The following PARM1 variants were observed in gnomAD, a reference collection of about 807,000 sequenced individuals.
PARM1 encodes the protein prostate androgen-regulated mucin-like protein 1.
Under a neutral mutation model 24.6 loss-of-function variants are expected in PARM1, and 14 were observed. That is an observed-to-expected ratio of 0.57 (90% CI 0.38 to 0.89). The LOEUF is 0.89. Ranked by LOEUF, PARM1 falls within the 40% of genes least tolerant of loss-of-function variation. The pLI is 0.00. For synonymous variants in PARM1, 179 were observed against 156.6 expected (o/e 1.14, Z -1.07); for missense variants, 362 against 380.4 (o/e 0.95, Z 0.40).
chr4:75,027,439 A>T (rs952930606), intron 2 of PARM1, among the ~76,000 whole-genome samples: 3 of 152,130 alleles, frequency 2.0e-5, no homozygotes, highest in African/African-American at 7.2e-5. Flanking sequence ...CAAGCAGACA[A>T]GGCCAGAAGA....
intron 1 of PARM1, among the ~76,000 whole-genome samples, chr4:74,972,963 C>T (rs1413558690): frequency 6.6e-6 from 1 of 152,048 alleles, no homozygotes; most frequent in Admixed American, 6.6e-5. Context: ...TGGCTCTGCC[C>T]CTTATCTACC....
intron 2 of PARM1, among the ~76,000 whole-genome samples, chr4:75,019,470 C>A: frequency 6.6e-6 from 1 of 152,260 alleles, no homozygotes; most frequent in South Asian, 2.1e-4. Flanking sequence ...CACACACAAC[C>A]GTGAAAATTG....
intron 1 of PARM1, among the ~76,000 whole-genome samples, 181 bp downstream of exon 1, chr4:74,933,551 T>C (rs1721113171): frequency 6.6e-6 from 1 of 152,132 alleles, no homozygotes; most frequent in Admixed American, 6.5e-5. Flanking sequence ...CGAACCGTAC[T>C]GAGGGAGGGG....
intron 1 of PARM1, among the ~76,000 whole-genome samples, chr4:74,987,819 C>A (rs987307477): frequency 6.6e-5 from 10 of 152,206 alleles, no homozygotes; most frequent in African/African-American, 2.4e-4. Context: ...CCTACTTCCT[C>A]TGGGGATACT....
chr4:74,936,292 A>G (rs776733737), intron 1 of PARM1, among the ~76,000 whole-genome samples: 3 of 152,190 alleles, frequency 2.0e-5, no homozygotes, highest in Non-Finnish European at 4.4e-5. Context: ...AGATTAAAAT[A>G]CAAACCAGAG....
chr4:75,035,538 A>T (rs970357265), intron 3 of PARM1, among the ~76,000 whole-genome samples: 6 of 151,972 alleles, frequency 3.9e-5, no homozygotes, highest in Admixed American at 3.3e-4. Context: ...CATGGATATG[A>T]TTCCTCATCT....
At chr4:75,011,473 G>A (rs1722868770) in intron 1 of PARM1, among the ~76,000 whole-genome samples, 1 of 151,956 alleles carries the variant, frequency 6.6e-6, no homozygotes. Context: ...TACTAGTCAG[G>A]GAATGACAAG....
At chr4:74,945,861 G>C (rs1721402071) in intron 1 of PARM1, among the ~76,000 whole-genome samples, 1 of 152,146 alleles carries the variant, frequency 6.6e-6, no homozygotes, top group Non-Finnish European at 1.5e-5. Flanking sequence ...AAAATGTGGT[G>C]TAGGTAAATG....
intron 3 of PARM1, 33 bp from the exon 4 acceptor site, chr4:75,046,130 A>C (rs779964028): frequency 6.7e-7 from 1 of 1,494,766 alleles, no homozygotes; most frequent in Non-Finnish European, 9.3e-7. Context: ...AACTTTTCCA[A>C]GTAATCACAA....
At chr4:75,021,272 C>T (rs565603654) in intron 2 of PARM1, among the ~76,000 whole-genome samples, 13 of 152,308 alleles carry the variant, frequency 8.5e-5, no homozygotes, top group African/African-American at 2.9e-4. Flanking sequence ...CCCTCGGATG[C>T]CTTTAAGCAG....
Position 74,933,134 on chromosome 4 carries a change from G to A in PARM1, c.-194G>A, listed in dbSNP as rs1057396604. The A allele has an allele frequency of 1.7e-5, 9 of 541,610 alleles. No homozygotes were observed. The Admixed American group carries it at 3.0e-4, about 18-fold the overall frequency. 33.6% of individuals were successfully genotyped at this position (541,610 alleles called of 1,614,324 possible). On this transcript the variant is annotated 5_prime_UTR_variant, in exon 1 of 4. Coordinates refer to ENST00000307428, the MANE Select transcript of PARM1 (RefSeq NM_015393.4). ...ATGGAGCAGAAGAGCGCGGAGCACC[G>A]GAGGGCACGCAGCTGACGGAGCTGC...
chr4:74,977,789 A>T (rs1722167925), intron 1 of PARM1, among the ~76,000 whole-genome samples: 1 of 152,172 alleles, frequency 6.6e-6, no homozygotes, highest in Non-Finnish European at 1.5e-5. Flanking sequence ...CCCTACAAGC[A>T]AAAAGAGATT....
Position 74,990,571 on chromosome 4 carries a change from C to G in PARM1, c.44-21854C>G, listed in dbSNP as rs535104155. On this transcript the variant is annotated intron_variant, in intron 1 of 3. Coordinates refer to ENST00000307428, the MANE Select transcript of PARM1 (RefSeq NM_015393.4). Reference sequence around the variant, plus strand: ...CTGTCTGTGATCCAAGAGACGAGAACTTAGGACCATCCAGGGAAAGTCTTG... The same window carrying G: ...CTGTCTGTGATCCAAGAGACGAGAAGTTAGGACCATCCAGGGAAAGTCTTG... 4.6e-5 allele frequency among the ~76,000 whole-genome samples: 7 copies of G among 152,206 alleles called. No homozygotes were observed. The South Asian group carries it at 1.0e-3, about 23-fold the overall frequency.
At chr4:74,988,278 G>A (rs1394683125) in intron 1 of PARM1, among the ~76,000 whole-genome samples, 2 of 152,156 alleles carry the variant, frequency 1.3e-5, no homozygotes, top group East Asian at 1.9e-4. Context: ...AGATGGTTGT[G>A]TATACAGTAG....
intron 1 of PARM1, among the ~76,000 whole-genome samples, chr4:74,998,605 A>G (rs1465996420): frequency 6.6e-6 from 1 of 152,184 alleles, no homozygotes; most frequent in Non-Finnish European, 1.5e-5. Flanking sequence ...CACTTTTTGC[A>G]GAGGGTATTC....
chr4:75,028,002 G>C (rs926552528), intron 2 of PARM1, among the ~76,000 whole-genome samples: 2 of 152,316 alleles, frequency 1.3e-5, no homozygotes, highest in East Asian at 3.9e-4. Flanking sequence ...CTTCTACTTA[G>C]CAGTTCTGTG....
At chr4:75,028,262 G>C (rs1349785654) in intron 2 of PARM1, among the ~76,000 whole-genome samples, 1 of 152,228 alleles carries the variant, frequency 6.6e-6, no homozygotes, top group African/African-American at 2.4e-5. Context: ...TGAGAATGAA[G>C]AGCCTAGCAT....
At chr4:75,001,999 G>A (rs934324867) in intron 1 of PARM1, among the ~76,000 whole-genome samples, 10 of 152,174 alleles carry the variant, frequency 6.6e-5, no homozygotes, top group African/African-American at 2.4e-4. Flanking sequence ...CTGATTCACC[G>A]AAAAGAAGGC....
chr4:74,992,472 A>G (rs780538496), intron 1 of PARM1, among the ~76,000 whole-genome samples: 32 of 152,160 alleles, frequency 2.1e-4, no homozygotes, highest in African/African-American at 3.6e-4. Context: ...TGAAAACTAT[A>G]AATTTAGAAA....
Sources: allele counts gnomAD v4.1 joint callset (sites outside exome capture counted in the v4.1 genomes callset), GRCh38; gene constraint gnomAD v4.1.1; transcripts MANE v1.5; gene names NCBI Gene and HGNC (gene_info 2026-07-23, HGNC 2026-07-21).